The following ZNF335 variants were observed in gnomAD, a reference collection of about 807,000 sequenced individuals.
The protein encoded by ZNF335 is NRC-interacting factor 1.
A neutral mutation model predicts 145.6 loss-of-function variants in ZNF335; 84 were observed. The ratio of observed to expected loss-of-function variants is 0.58; its 90% CI spans 0.48 to 0.69. ZNF335 has a LOEUF of 0.69. Among genes scored for constraint, ZNF335 ranks in the 30% least tolerant of loss-of-function variants. The pLI is 0.00. For synonymous variants in ZNF335, 761 were observed against 717.0 expected (o/e 1.06, Z -0.98); for missense variants, 1,865 against 1,809.7 (o/e 1.03, Z -0.55).
Position 45,962,299 on chromosome 20 carries a change from G to A in ZNF335, c.1534-117C>T, listed in dbSNP as rs2083858223. 38 of 803,910 alleles carry A rather than the reference G, an allele frequency of 4.7e-5. No homozygotes were observed. The South Asian group carries it at 5.8e-4, about 12-fold the overall frequency. 49.8% of individuals were successfully genotyped at this position (803,910 alleles called of 1,614,324 possible). A position where few individuals can be genotyped will look rare whatever the true frequency, so the allele number is the denominator to read the frequency against. On this transcript the variant is annotated intron_variant, in intron 9 of 27. Transcript: ENST00000322927. Reference sequence around the variant, plus strand: ...CTGCGGGAGCAGCTCACAGAACACAGGCATGTGGACAACACACCCCGACGC... The same window carrying A: ...CTGCGGGAGCAGCTCACAGAACACAAGCATGTGGACAACACACCCCGACGC...
rs964870268 is a variant in ZNF335, at chr20:45,960,180, A to C, written c.2020+28T>G. 3.7e-6 allele frequency: 6 copies of C among 1,612,266 alleles called. No individual in the cohort carries two copies. In the African/African-American group the frequency reaches 8.0e-5, roughly 22 times the overall value. ...GGGTACAGGGCACTGAGGGCTGGTG[A>C]GTGGGGCTGGGGTGTGTCCAGCCTG... On this transcript the variant is annotated intron_variant, in intron 14 of 27. Transcript: ENST00000322927.
At position 45,971,302 on chromosome 20, in the gene ZNF335, C is replaced by T. The variant is rs1244100594; in HGVS notation, c.109G>A (p.Ala37Thr). ...GCGGCCGCGGCGTCGCTGCTGTCGGCGGACACGGCTTCTGAGGTGCCCACA... is the reference window on the plus strand; with the variant it reads ...GCGGCCGCGGCGTCGCTGCTGTCGGTGGACACGGCTTCTGAGGTGCCCACA... The part of the protein sequence containing the change: ...LGVGTSEAVS[A>T]DSSDAAAAPG... The change falls in exon 2 of 28, where the codon GCC becomes ACC. Residue 37 changes from alanine (A) to threonine (T), a missense_variant. Coordinates refer to ENST00000322927, the MANE Select transcript of ZNF335 (RefSeq NM_022095.4). 6.3e-7 allele frequency: 1 copy of T among 1,591,842 alleles called. No homozygotes were observed. Among genetic ancestry groups the T allele is most frequent in the Non-Finnish European group, 8.5e-7 (1 of 1,175,782 alleles).
At chr20:45,967,397 T>G in intron 6 of ZNF335, 97 bp downstream of exon 6, 1 of 1,589,260 alleles carries the variant, frequency 6.3e-7, no homozygotes. Flanking sequence ...TGGATGTGTC[T>G]GTGCCAATTC....
chr20:45,952,453 C>T lies in ZNF335; in HGVS notation c.2883G>A (p.Leu961=). ...CTCTGGGCAGTCCCCCACACTGCAG[C>T]AGGGGCCATTTGGCACCAGAGGCCA... ...DALASGAKWP[L]LQCGGLPRDG... Residue 961 remains leucine, a synonymous_variant, in exon 20 of 28, where the codon CTG becomes CTA. Transcript: ENST00000322927. The T allele has an allele frequency of 2.6e-6, 4 of 1,564,288 alleles. No homozygotes were observed. Among genetic ancestry groups the T allele is most frequent in the Non-Finnish European group, 3.5e-6 (4 of 1,152,242 alleles).
intron 18 of ZNF335, 135 bp downstream of exon 18, chr20:45,953,554 A>T: frequency 8.5e-7 from 1 of 1,183,210 alleles, no homozygotes. Flanking sequence ...TGAGAAGGGT[A>T]GACTCCACCA....
intron 1 of ZNF335, 82 bp downstream of exon 1, chr20:45,972,040 C>T (rs2084083041): frequency 8.0e-7 from 1 of 1,251,928 alleles, no homozygotes; most frequent in Admixed American, 2.5e-5. Context: ...CGGCCTGGGA[C>T]CTCGCCTCCG....
At chr20:45,966,424 A>G (rs2083953843) in intron 6 of ZNF335, among the ~76,000 whole-genome samples, 1 of 151,894 alleles carries the variant, frequency 6.6e-6, no homozygotes, top group Admixed American at 6.6e-5. Context: ...GAAATATTTT[A>G]GGGCCAGGCA....
chr20:45,960,737 G>A lies in ZNF335; in HGVS notation c.1666-5C>T. ...GAAAGAGCTCAGCTTTGGAGTCTAG[G>A]AAGGCATAAGAAGGGGCCAGATGGA... On this transcript the variant is annotated splice_region_variant and splice_polypyrimidine_tract_variant and intron_variant, in intron 11 of 27. Transcript: ENST00000322927. The A allele has an allele frequency of 2.5e-6, 4 of 1,613,506 alleles. No individual in the cohort carries two copies. Among genetic ancestry groups the A allele is most frequent in the Non-Finnish European group, 3.4e-6 (4 of 1,179,544 alleles).
At chr20:45,969,387 G>A in intron 3 of ZNF335, 64 bp downstream of exon 3, 1 of 1,444,462 alleles carries the variant, frequency 6.9e-7, no homozygotes, top group Non-Finnish European at 9.2e-7. Context: ...CACAGCTAGG[G>A]TGGGCACAGC....
chr20:45,968,292 T>C lies in ZNF335; in HGVS notation c.513A>G (p.Pro171=), dbSNP rs201359108. Residue 171 remains proline, a synonymous_variant, in exon 4 of 28, where the codon CCA becomes CCG. Coordinates refer to ENST00000322927, the MANE Select transcript of ZNF335 (RefSeq NM_022095.4). The part of the protein sequence containing the change: ...ETTRYLILQG[P]DDGAPMTSPM... Reference sequence around the variant, plus strand: ...TGGCACCTGGGGTCTTACCATCATCTGGGCCCTGTAGGATCAGGTACCGTG... The same window carrying C: ...TGGCACCTGGGGTCTTACCATCATCCGGGCCCTGTAGGATCAGGTACCGTG... 1 of 1,613,190 alleles carries C rather than the reference T, an allele frequency of 6.2e-7. No individual in the cohort carries two copies. Among genetic ancestry groups the C allele is most frequent in the East Asian group, 2.2e-5 (1 of 44,838 alleles).
Position 45,963,563 on chromosome 20 carries a change from G to C in ZNF335, c.1443C>G (p.Arg481=). Residue 481 remains arginine, a synonymous_variant, in exon 9 of 28, where the codon CGC becomes CGG. Coordinates refer to ENST00000322927, the MANE Select transcript of ZNF335 (RefSeq NM_022095.4). ...CAGCCTCATGGGAGTTGACGTGGAA[G>C]CGCAGGTCCTCGTGGGACAGAAAGC... The part of the protein sequence containing the change: ...GSRFLSHEDL[R]FHVNSHEAGD... The C allele has an allele frequency of 6.2e-7, 1 of 1,614,238 alleles. No homozygotes were observed. Among genetic ancestry groups the C allele is most frequent in the East Asian group, 2.2e-5 (1 of 44,888 alleles).
chr20:45,968,382 G>A lies in ZNF335; in HGVS notation c.443-20C>T, dbSNP rs1441052002. 4 of 1,601,662 alleles carry A rather than the reference G, an allele frequency of 2.5e-6. No homozygotes were observed. The highest frequency in any genetic ancestry group is 1.1e-5 in the South Asian group (1 of 90,868). ...TGCAGTCTGGGCAGAGATGGGGAAGGGTCACACCTCCTGGGGAGGGGGTCC... is the reference window on the plus strand; with the variant it reads ...TGCAGTCTGGGCAGAGATGGGGAAGAGTCACACCTCCTGGGGAGGGGGTCC... On this transcript the variant is annotated intron_variant, in intron 3 of 27. Transcript: ENST00000322927.
Position 45,957,672 on chromosome 20 carries a change from C to A in ZNF335, c.2356G>T (p.Glu786Ter), listed in dbSNP as rs776104317. ...ATIIYQQGAEESTAMATQTAL... is the reference protein window; with the variant it reads ...ATIIYQQGAE ...GTCTGCGTGGCCATCGCTGTCGACTCCTCAGCTCCTGGGTGGGGTGGGACC... is the reference window on the plus strand; with the variant it reads ...GTCTGCGTGGCCATCGCTGTCGACTACTCAGCTCCTGGGTGGGGTGGGACC... Residue 786 changes from glutamate to a stop codon, truncating the protein, a stop_gained, in exon 17 of 28, where the codon GAG (glutamate) becomes TAG (stop). Coordinates refer to ENST00000322927, the MANE Select transcript of ZNF335 (RefSeq NM_022095.4). LOFTEE classifies it high-confidence loss of function. 1.4e-5 allele frequency: 22 copies of A among 1,614,048 alleles called. No homozygotes were observed. The African/African-American group carries it at 1.9e-4, about 14-fold the overall frequency.
Position 45,970,028 on chromosome 20 carries a change from T to C in ZNF335, c.202-337A>G, listed in dbSNP as rs1310670560. The C allele has an allele frequency of 1.3e-5, 3 of 226,194 alleles. No homozygotes were observed. In the Admixed American group the frequency reaches 1.6e-4, roughly 12 times the overall value. The allele number at this position is 226,194 out of a possible 1,614,324, so 14.0% of individuals were successfully genotyped here. ...TTCCCAGCATCACCCTATGGCTAAA[T>C]CTTACCCAGCCTTCTCACCACCATT... On this transcript the variant is annotated intron_variant, in intron 2 of 27. Transcript: ENST00000322927.
At chr20:45,962,811 TTTTG>T (rs1192720830) in intron 9 of ZNF335, among the ~76,000 whole-genome samples, 3 of 102,178 alleles carry the variant, frequency 2.9e-5, no homozygotes, top group East Asian at 2.6e-4. Flanking sequence ...GTTTTTTTTT[TTTTG>T]TTTGTTTGTT....
At chr20:45,949,116 C>A in intron 27 of ZNF335, 36 bp from the exon 28 acceptor site, 1 of 1,613,470 alleles carries the variant, frequency 6.2e-7, no homozygotes, top group African/African-American at 1.3e-5. Context: ...GAGCTGGAGG[C>A]TCAAGAGCTG....
In ZNF335 at chr20:45,963,622, A is replaced by C; in HGVS notation, c.1384T>G (p.Leu462Val). 1 of 1,614,220 alleles carries C rather than the reference A, an allele frequency of 6.2e-7. No individual in the cohort carries two copies. The highest frequency in any genetic ancestry group is 1.7e-5 in the Admixed American group (1 of 60,036). Reference protein sequence around the residue: ...KYYYKSPKPLLRPFLCRICGS... With the variant: ...KYYYKSPKPLVRPFLCRICGS... ...CAGATGCGGCACAGGAAGGGCCTCA[A>C]AAGTGGTTTGGGCGACTTGTAATAG... The change falls in exon 9 of 28, where the codon TTG (leucine) becomes GTG (valine). Residue 462 changes from leucine (L) to valine (V), a missense_variant. Coordinates refer to ENST00000322927, the MANE Select transcript of ZNF335 (RefSeq NM_022095.4).
chr20:45,950,974 C>G (rs900021843), intron 20 of ZNF335, among the ~76,000 whole-genome samples: 13 of 152,038 alleles, frequency 8.6e-5, no homozygotes, highest in African/African-American at 3.1e-4. Context: ...CTCACTGCAA[C>G]CTCCACCTCC....
Position 45,963,630 on chromosome 20 carries a change from T to G in ZNF335, c.1376A>C (p.Lys459Thr), listed in dbSNP as rs747927948. ...GCACAGGAAGGGCCTCAAAAGTGGT[T>G]TGGGCGACTTGTAATAGTACCTGCA... ...KYRKYYYKSP[K>T]PLLRPFLCRI... Residue 459 changes from lysine (K) to threonine (T), a missense_variant, in exon 9 of 28, where the codon AAA becomes ACA. By Grantham distance (78) the Lys-to-Thr change is moderately conservative. Coordinates refer to ENST00000322927, the MANE Select transcript of ZNF335 (RefSeq NM_022095.4). 3.1e-6 allele frequency: 5 copies of G among 1,614,064 alleles called. No individual in the cohort carries two copies. In the South Asian group the frequency reaches 5.5e-5, roughly 18 times the overall value.
Sources: gnomAD v4.1 joint callset for allele counts (sites outside exome capture counted in the v4.1 genomes callset) on GRCh38, gnomAD v4.1.1 for gene constraint, MANE v1.5 for transcripts, NCBI Gene and HGNC (gene_info 2026-07-23, HGNC 2026-07-21) for gene names.